Variants in CSMD1 observed in about 807,000 individuals in gnomAD.
The protein encoded by CSMD1 is CUB and sushi domain-containing protein 1.
In CSMD1, 213 loss-of-function variants were observed where a neutral mutation model predicts 417.5. The ratio of observed to expected loss-of-function variants is 0.51; its 90% CI spans 0.46 to 0.57. The LOEUF (loss-of-function observed/expected upper bound fraction) is 0.57, where lower values mean the gene tolerates loss of function less well. Among genes scored for constraint, CSMD1 ranks in the 20% least tolerant of loss-of-function variants. The pLI is 0.00. For missense variants in CSMD1, 6,923 were observed against 4,529.7 expected, an observed-to-expected ratio of 1.53 and a Z score of -15.17; for synonymous variants, 2,862 against 1,736.8, an observed-to-expected ratio of 1.65 and a Z score of -16.11.
intron 26 of CSMD1, among the ~76,000 whole-genome samples, chr8:3,271,142 T>C (rs998810156): frequency 2.1e-5 from 3 of 142,544 alleles, no homozygotes; most frequent in South Asian, 2.3e-4. Flanking sequence ...CGTGTTCTCA[T>C]TGTTCAGTTC....
At chr8:3,992,116 G>A (rs1243092016) in intron 5 of CSMD1, among the ~76,000 whole-genome samples, 1 of 140,646 alleles carries the variant, frequency 7.1e-6, no homozygotes, top group African/African-American at 2.5e-5. Context: ...GGAGAAATGT[G>A]TATATATATG....
At chr8:4,989,084 T>G (rs1811328737) in intron 1 of CSMD1, among the ~76,000 whole-genome samples, 1 of 152,220 alleles carries the variant, frequency 6.6e-6, no homozygotes, top group South Asian at 2.1e-4. Flanking sequence ...AATACCTAAG[T>G]GCAATTATTT....
chr8:4,957,355 C>T (rs367973480), intron 1 of CSMD1, among the ~76,000 whole-genome samples: 19 of 152,242 alleles, frequency 1.2e-4, no homozygotes, highest in African/African-American at 4.3e-4. Flanking sequence ...GCACATTTGG[C>T]AGTTTGTGAA....
rs769350785 is a variant in CSMD1 at position 4,683,372 on chromosome 8, C to T, written c.86-45814G>A. ...TTTGGAGTGGTTCTCCAAGCCGAAA[C>T]CCTCTTGCTCTCCTTTTCTGAGACC... On this transcript the variant is annotated intron_variant, in intron 1 of 69. Coordinates refer to ENST00000635120, the MANE Select transcript of CSMD1 (RefSeq NM_033225.6). Among the ~76,000 whole-genome samples, 7 of 152,130 alleles carry T rather than the reference C, an allele frequency of 4.6e-5. No individual in the cohort carries two copies. In the South Asian group the frequency reaches 1.0e-3, roughly 23 times the overall value.
rs1364720380 is a variant in CSMD1 at position 2,962,645 on chromosome 8, G to A, written c.9455-6C>T. The A allele has an allele frequency of 1.2e-6, 2 of 1,612,074 alleles. No homozygotes were observed. Among genetic ancestry groups the A allele is most frequent in the Admixed American group, 3.3e-5 (2 of 59,902 alleles). On this transcript the variant is annotated splice_region_variant and splice_polypyrimidine_tract_variant and intron_variant, in intron 60 of 69. Coordinates refer to ENST00000635120, the MANE Select transcript of CSMD1 (RefSeq NM_033225.6). ...AGGGTCTCCGCAGAACACAGCTATGGAAGATAACCAGGAAGAAGTCAGCCT... is the reference window on the plus strand; with the variant it reads ...AGGGTCTCCGCAGAACACAGCTATGAAAGATAACCAGGAAGAAGTCAGCCT...
intron 2 of CSMD1, among the ~76,000 whole-genome samples, chr8:4,615,896 A>G (rs1418466253): frequency 6.6e-6 from 1 of 152,182 alleles, no homozygotes; most frequent in African/African-American, 2.4e-5. Context: ...ATGAATTCAT[A>G]GCCCATAACT....
At chr8:4,324,978 T>G (rs1799474797) in intron 3 of CSMD1, among the ~76,000 whole-genome samples, 1 of 152,134 alleles carries the variant, frequency 6.6e-6, no homozygotes, top group African/African-American at 2.4e-5. Flanking sequence ...TATATCACTG[T>G]TGACACATCA....
At chr8:4,712,673 T>C (rs1307475156) in intron 1 of CSMD1, among the ~76,000 whole-genome samples, 1 of 152,198 alleles carries the variant, frequency 6.6e-6, no homozygotes, top group African/African-American at 2.4e-5. Flanking sequence ...CTAGTAAACA[T>C]TTCACAAATA....
chr8:3,920,966 G>C (rs892156329), intron 5 of CSMD1, among the ~76,000 whole-genome samples: 6 of 152,080 alleles, frequency 3.9e-5, no homozygotes, highest in Admixed American at 3.3e-4. Context: ...TATGACATGA[G>C]GGTACTGCTG....
At chr8:3,621,991 ATGTGTG>A (rs35068961) in intron 7 of CSMD1, among the ~76,000 whole-genome samples, 10 of 143,094 alleles carry the variant, frequency 7.0e-5, no homozygotes, top group South Asian at 4.5e-4. Flanking sequence ...GTGTGTGTGT[ATGTGTG>A]TGTGTGTGTG....
At chr8:4,945,706 G>C (rs111753661) in intron 1 of CSMD1, among the ~76,000 whole-genome samples, 56 of 152,224 alleles carry the variant, frequency 3.7e-4, no homozygotes, top group Middle Eastern at 3.4e-3. Context: ...AAGACAAAGA[G>C]AAAACTAATT....
chr8:4,716,955 A>C lies in CSMD1; in HGVS notation c.86-79397T>G, dbSNP rs144815466. 1.8e-3 allele frequency among the ~76,000 whole-genome samples: 277 copies of C among 152,326 alleles called. 9 individuals are homozygous for C. The South Asian group carries it at 0.049, about 27-fold the overall frequency. On this transcript the variant is annotated intron_variant, in intron 1 of 69. Coordinates refer to ENST00000635120, the MANE Select transcript of CSMD1 (RefSeq NM_033225.6). Reference sequence around the variant, plus strand: ...TCCAATAGGTTAAAAAATGAAACTTAGTATAATTCCATTTCAACAAAATCC... The same window carrying C: ...TCCAATAGGTTAAAAAATGAAACTTCGTATAATTCCATTTCAACAAAATCC...
In CSMD1 at chr8:3,513,338, A is replaced by AT. The variant is rs56387019; in HGVS notation, c.1345-19613dup. On this transcript the variant is annotated intron_variant, in intron 10 of 69. Transcript: ENST00000635120. ...TCCTGGCTTTGTCACTTGCCCACAG[A>AT]TTTTTTTTTTTTTTTGAGATGGAGT... Among the ~76,000 whole-genome samples, 593 of 141,534 alleles carry AT rather than the reference A, an allele frequency of 4.2e-3. 5 individuals are homozygous for AT. Among genetic ancestry groups the AT allele is most frequent in the African/African-American group, 8.4e-3 (325 of 38,616 alleles). The allele number at this position is 141,534 out of a possible 152,430, so 92.9% of individuals were successfully genotyped here. A position where few individuals can be genotyped will look rare whatever the true frequency, so the allele number is the denominator to read the frequency against.
At chr8:3,574,811 G>C (rs550755462) in intron 10 of CSMD1, 134 bp downstream of exon 10, 5 of 984,228 alleles carry the variant, frequency 5.1e-6, no homozygotes, top group Non-Finnish European at 7.4e-6. Flanking sequence ...CTAGACACAG[G>C]ATGCAGCTGG....
rs555622590 is a variant in CSMD1 at position 4,787,478 on chromosome 8, A to G, written c.86-149920T>C. On this transcript the variant is annotated intron_variant, in intron 1 of 69. Transcript: ENST00000635120. ...GAATCACCTGGAAGGAAAAGCTGCA[A>G]TCTCAAAGAAAATCACCAGTTGTAT... 158 of 846,724 alleles carry G rather than the reference A, an allele frequency of 1.9e-4. 1 individual carries two copies. In the South Asian group the frequency reaches 2.0e-3, roughly 11 times the overall value. The allele number at this position is 846,724 out of a possible 1,614,324, so 52.5% of individuals were successfully genotyped here.
At chr8:3,935,693 C>G (rs1405309345) in intron 5 of CSMD1, among the ~76,000 whole-genome samples, 1 of 152,138 alleles carries the variant, frequency 6.6e-6, no homozygotes, top group Non-Finnish European at 1.5e-5. Context: ...GCTCCACTGA[C>G]TGGCCTGGTC....
At chr8:4,607,679 CT>C (rs71209109) in intron 2 of CSMD1, among the ~76,000 whole-genome samples, 3,577 of 152,196 alleles carry the variant, frequency 0.024, 64 homozygotes, top group African/African-American at 0.044. Context: ...AAATTTCCAC[CT>C]TTTTTCCAGC....
intron 7 of CSMD1, among the ~76,000 whole-genome samples, chr8:3,641,056 T>C (rs1007780001): frequency 7.0e-6 from 1 of 142,266 alleles, no homozygotes. Flanking sequence ...TTGTGAATAA[T>C]GTCCTCAAAA....
At chr8:4,328,476 G>C (rs1346306939) in intron 3 of CSMD1, among the ~76,000 whole-genome samples, 3 of 150,894 alleles carry the variant, frequency 2.0e-5, no homozygotes, top group Non-Finnish European at 4.4e-5. Flanking sequence ...GTTAACAGGG[G>C]ACTTACAAAA....
Sources: allele counts gnomAD v4.1 joint callset (sites outside exome capture counted in the v4.1 genomes callset), GRCh38; gene constraint gnomAD v4.1.1; transcripts MANE v1.5; gene names NCBI Gene and HGNC (gene_info 2026-07-23, HGNC 2026-07-21).